Variants in CEP97 observed in about 807,000 individuals in gnomAD.
The protein encoded by CEP97 is centrosomal protein 97, also known as centrosomal protein of 97 kDa.
A neutral mutation model predicts 73.1 loss-of-function variants in CEP97; 43 were observed. That is an observed-to-expected ratio of 0.59 (90% CI 0.46 to 0.76). The LOEUF (loss-of-function observed/expected upper bound fraction) is 0.76. Ranked by LOEUF, CEP97 falls within the 30% of genes least tolerant of loss-of-function variation. CEP97 has a pLI of 0.00. For missense variants in CEP97, 939 were observed against 1,014.0 expected (o/e 0.93, Z 1.00); for synonymous variants, 337 against 370.0 (o/e 0.91, Z 1.02).
chr3:101,746,395 T>C (rs1316980395), intron 6 of CEP97, among the ~76,000 whole-genome samples: 106 of 139,820 alleles, frequency 7.6e-4, no homozygotes, highest in South Asian at 1.4e-3. Flanking sequence ...CTATCTGATC[T>C]TTGACAAACC....
chr3:101,740,214 A>G (rs901872675), intron 6 of CEP97, among the ~76,000 whole-genome samples: 1 of 152,214 alleles, frequency 6.6e-6, no homozygotes, highest in Non-Finnish European at 1.5e-5. Flanking sequence ...ATGATTGTAT[A>G]TTTGGAAAAC....
chr3:101,750,932 A>G (rs1308477987), intron 6 of CEP97, among the ~76,000 whole-genome samples: 1 of 151,898 alleles, frequency 6.6e-6, no homozygotes, highest in Non-Finnish European at 1.5e-5. Flanking sequence ...CTCTGATGTT[A>G]GTTATTTCTT....
At chr3:101,735,233 A>T (rs1406414625) in intron 6 of CEP97, among the ~76,000 whole-genome samples, 2 of 152,242 alleles carry the variant, frequency 1.3e-5, no homozygotes, top group Admixed American at 1.3e-4. Context: ...AAATGGTTTT[A>T]TTCCAAGTGA....
chr3:101,737,264 A>G (rs1255262323), intron 6 of CEP97, among the ~76,000 whole-genome samples: 1 of 152,162 alleles, frequency 6.6e-6, no homozygotes, highest in Non-Finnish European at 1.5e-5. Context: ...GTTAGGAAAC[A>G]CTCTTCAGGA....
chr3:101,748,432 G>C (rs1938694706), intron 6 of CEP97, among the ~76,000 whole-genome samples: 1 of 151,910 alleles, frequency 6.6e-6, no homozygotes, highest in Admixed American at 6.6e-5. Context: ...TCAGTTTTCT[G>C]TCTTCCCAAA....
intron 2 of CEP97, 146 bp downstream of exon 2, chr3:101,726,882 A>C (rs542306776): frequency 5.4e-6 from 3 of 560,046 alleles, no homozygotes; most frequent in Non-Finnish European, 9.3e-6. Context: ...TCTTCTGAAG[A>C]TGAACATACA....
At chr3:101,764,467 C>T (rs1458514118) in intron 10 of CEP97, among the ~76,000 whole-genome samples, 1 of 152,054 alleles carries the variant, frequency 6.6e-6, no homozygotes, top group East Asian at 1.9e-4. Flanking sequence ...GAAAATTAGC[C>T]AGGTGTGATG....
At chr3:101,740,336 A>G (rs182737098) in intron 6 of CEP97, among the ~76,000 whole-genome samples, 1 of 152,230 alleles carries the variant, frequency 6.6e-6, no homozygotes, top group African/African-American at 2.4e-5. Context: ...CATAATAGAG[A>G]GCCTAATCAT....
In CEP97 at chr3:101,724,645, C is replaced by G; in HGVS notation, c.-32C>G. 1.2e-6 allele frequency: 2 copies of G among 1,613,806 alleles called. No homozygotes were observed. The highest frequency in any genetic ancestry group is 1.7e-6 in the Non-Finnish European group (2 of 1,179,754). ...CAAGCTCCACAGAGCCGCGGGAGGA[C>G]GGTTGCCTGGTATTATTAGCAAGCA... On this transcript the variant is annotated 5_prime_UTR_variant, in exon 1 of 11. Coordinates refer to ENST00000341893, the MANE Select transcript of CEP97 (RefSeq NM_024548.4).
rs567393986 is a variant in CEP97, at chr3:101,763,310, A to G, written c.1893+750A>G. 6 of 805,960 alleles carry G rather than the reference A, an allele frequency of 7.4e-6. 1 individual carries two copies. The highest frequency in any genetic ancestry group is 4.4e-5 in the South Asian group (2 of 45,260). The allele number at this position is 805,960 out of a possible 1,614,324, so 49.9% of individuals were successfully genotyped here. Reference sequence around the variant, plus strand: ...AGAGGAATGGTTAAATTATAGAATAATAATACTGTGGAATACCATGGAATA... The same window carrying G: ...AGAGGAATGGTTAAATTATAGAATAGTAATACTGTGGAATACCATGGAATA... On this transcript the variant is annotated intron_variant, in intron 10 of 10. Transcript: ENST00000341893.
intron 3 of CEP97, 108 bp downstream of exon 3, chr3:101,727,649 G>A: frequency 1.2e-6 from 1 of 802,288 alleles, no homozygotes; most frequent in Non-Finnish European, 1.9e-6. Flanking sequence ...CACTCTCCAG[G>A]GATAATCTCT....
intron 9 of CEP97, among the ~76,000 whole-genome samples, chr3:101,761,212 G>T (rs1350398666): frequency 6.6e-6 from 1 of 152,128 alleles, no homozygotes; most frequent in Non-Finnish European, 1.5e-5. Flanking sequence ...AGGCAGGGGG[G>T]AAGGATCATT....
rs764202248 is a variant in CEP97, at chr3:101,757,726, A to T, written c.1120A>T (p.Thr374Ser). 1 of 1,614,108 alleles carries T rather than the reference A, an allele frequency of 6.2e-7. No individual in the cohort carries two copies. The highest frequency in any genetic ancestry group is 1.7e-5 in the Admixed American group (1 of 60,010). ...GAATAATTTTCCAGCCTCTGTACAC[A>T]CTACGAGATATTCTCGAAATGATCT... ...VKNNFPASVH[T>S]TRYSRNDLHL... Residue 374 changes from threonine to serine, a missense_variant, in exon 9 of 11, where the codon ACT (threonine) becomes TCT (serine). Thr to Ser is a moderately conservative substitution (Grantham distance 58, BLOSUM62 1). Coordinates refer to ENST00000341893, the MANE Select transcript of CEP97 (RefSeq NM_024548.4).
At chr3:101,763,208 A>G in intron 10 of CEP97, 1 of 1,231,266 alleles carries the variant, frequency 8.1e-7, no homozygotes, top group South Asian at 1.4e-5. Context: ...CACCTGGCCA[A>G]ATTTGTTATA....
Position 101,765,055 on chromosome 3 carries a change from C to G in CEP97, c.2102C>G (p.Ser701Cys). Residue 701 changes from serine to cysteine, a missense_variant, in exon 11 of 11, where the codon TCT (serine) becomes TGT (cysteine). Ser to Cys is a moderately radical substitution (Grantham distance 112). Coordinates refer to ENST00000341893, the MANE Select transcript of CEP97 (RefSeq NM_024548.4). ...QEKSLPEFPDSGFHSSLTEQV... is the reference protein window; with the variant it reads ...QEKSLPEFPDCGFHSSLTEQV... ...AAATCATTACCAGAATTTCCAGACT[C>G]TGGTTTTCATTCCTCTCTAACAGAA... The G allele has an allele frequency of 3.1e-6, 5 of 1,614,128 alleles. No homozygotes were observed. Among genetic ancestry groups the G allele is most frequent in the Non-Finnish European group, 4.2e-6 (5 of 1,180,030 alleles).
chr3:101,737,348 C>T (rs372864187), intron 6 of CEP97, among the ~76,000 whole-genome samples: 1 of 152,136 alleles, frequency 6.6e-6, no homozygotes, highest in Admixed American at 6.6e-5. Context: ...GAGAACACCA[C>T]AAAGATACTC....
In CEP97 at chr3:101,769,105, G is replaced by C. The variant is rs567976426; in HGVS notation, c.*3554G>C. On this transcript the variant is annotated 3_prime_UTR_variant, in exon 11 of 11. Transcript: ENST00000341893. ...TTTTCCTGTTATCTACTTAAGTCTA[G>C]TTCTACTTTTTCCCAATAATTTCAG... is the stretch of plus-strand genomic sequence containing the variant. 6.6e-6 allele frequency: 1 copy of C among 152,176 alleles called. No homozygotes were observed. The highest frequency in any genetic ancestry group is 1.5e-5 in the Non-Finnish European group (1 of 68,008). 9.4% of individuals were successfully genotyped at this position (152,176 alleles called of 1,614,324 possible).
intron 10 of CEP97, among the ~76,000 whole-genome samples, chr3:101,764,641 G>A (rs1266835025): frequency 6.6e-6 from 1 of 151,556 alleles, no homozygotes; most frequent in Non-Finnish European, 1.5e-5. Context: ...AGGCAGACAT[G>A]GTGGTGGGCA....
At chr3:101,753,073 G>T (rs142873116) in intron 6 of CEP97, among the ~76,000 whole-genome samples, 13 of 152,076 alleles carry the variant, frequency 8.5e-5, no homozygotes, top group African/African-American at 3.1e-4. Context: ...TGGGTTTTTG[G>T]TGTGGATGTC....
Sources: gnomAD v4.1 joint callset for allele counts (sites outside exome capture counted in the v4.1 genomes callset) on GRCh38, gnomAD v4.1.1 for gene constraint, MANE v1.5 for transcripts, NCBI Gene and HGNC (gene_info 2026-07-23, HGNC 2026-07-21) for gene names.